MAML3: variants seen among roughly 807,000 people sequenced by gnomAD.
MAML3 encodes mastermind-like protein 3.
In MAML3, 27 loss-of-function variants were observed where a neutral mutation model predicts 101.9. That is an observed-to-expected ratio of 0.27 (90% CI 0.20 to 0.37). The LOEUF (loss-of-function observed/expected upper bound fraction) is 0.37. Ranked by LOEUF, MAML3 falls within the 10% of genes least tolerant of loss-of-function variation. The probability of loss-of-function intolerance (pLI) is 1.00; values close to 1 mark genes in which losing one functional copy is unlikely to be tolerated. For synonymous variants in MAML3, 501 were observed against 555.9 expected (o/e 0.90, Z 1.39); for missense variants, 1,316 against 1,444.9 (o/e 0.91, Z 1.45).
chr4:139,826,125 C>T (rs1156445858), intron 2 of MAML3, among the ~76,000 whole-genome samples: 2 of 151,870 alleles, frequency 1.3e-5, no homozygotes, highest in Non-Finnish European at 2.9e-5. Context: ...CTTTTTCCTT[C>T]GCACGTGAGA....
chr4:139,828,296 C>A (rs6824463), intron 2 of MAML3, among the ~76,000 whole-genome samples: 9,175 of 147,212 alleles, frequency 0.062, 836 homozygotes, highest in African/African-American at 0.2. Flanking sequence ...TCTTAAAAAG[C>A]ATAAAACAAA....
intron 2 of MAML3, among the ~76,000 whole-genome samples, chr4:139,771,211 A>G (rs1423809783): frequency 6.6e-6 from 1 of 152,204 alleles, no homozygotes; most frequent in Non-Finnish European, 1.5e-5. Context: ...TGTATTTTGG[A>G]GAGGGTTTTG....
intron 1 of MAML3, among the ~76,000 whole-genome samples, chr4:140,130,676 A>G (rs1220017409): frequency 6.6e-6 from 1 of 152,226 alleles, no homozygotes; most frequent in Non-Finnish European, 1.5e-5. Flanking sequence ...AGTGGCCCCA[A>G]CTAACCAGAA....
chr4:139,784,807 T>G (rs1730277803), intron 2 of MAML3, among the ~76,000 whole-genome samples: 1 of 152,186 alleles, frequency 6.6e-6, no homozygotes, highest in Admixed American at 6.5e-5. Context: ...CTCTCTTGCT[T>G]CATTTCTTTG....
Position 139,741,501 on chromosome 4 carries a change from C to T in MAML3, c.2080-10834G>A, listed in dbSNP as rs551341198. Reference sequence around the variant, plus strand: ...GCGTGGTGGCTCATGCCTGTAATCCCAGCACTTTGGGAGGCTGAGGTGGGA... The same window carrying T: ...GCGTGGTGGCTCATGCCTGTAATCCTAGCACTTTGGGAGGCTGAGGTGGGA... On this transcript the variant is annotated intron_variant, in intron 2 of 4. Coordinates refer to ENST00000509479, the MANE Select transcript of MAML3 (RefSeq NM_018717.5). Among the ~76,000 whole-genome samples the T allele has an allele frequency of 8.7e-4, 132 of 152,288 alleles. 1 individual carries two copies. Among genetic ancestry groups the T allele is most frequent in the Non-Finnish European group, 1.7e-3 (116 of 68,016 alleles).
intron 1 of MAML3, among the ~76,000 whole-genome samples, chr4:140,151,048 G>C (rs1202925838): frequency 6.6e-6 from 1 of 152,096 alleles, no homozygotes; most frequent in African/African-American, 2.4e-5. Context: ...GCGATGAAGC[G>C]GGCAGGGCCA....
Position 140,088,277 on chromosome 4 carries a change from G to A in MAML3, c.468+64583C>T, listed in dbSNP as rs185265055. ...GAAAAGTAAGGAAGAAAGGAAGGGA[G>A]GAAGGAAAATTTACCTGGTCTAAGA... On this transcript the variant is annotated intron_variant, in intron 1 of 4. Coordinates refer to ENST00000509479, the MANE Select transcript of MAML3 (RefSeq NM_018717.5). 2.0e-4 allele frequency among the ~76,000 whole-genome samples: 30 copies of A among 151,988 alleles called. No homozygotes were observed. In the East Asian group the frequency reaches 3.7e-3, roughly 19 times the overall value.
rs746027299 is a variant in MAML3, at chr4:139,942,207, CAGGA to C, written c.469-51244_469-51241del. Among the ~76,000 whole-genome samples, 708 of 150,016 alleles carry C rather than the reference CAGGA, an allele frequency of 4.7e-3. 9 individuals are homozygous for C. Among genetic ancestry groups the C allele is most frequent in the African/African-American group, 0.016 (637 of 40,176 alleles). ...GCAGGCAGGCAGGCAGGCAGGCAGG[CAGGA>C]AGGAAGACATCCTTTAATACCAGAA... On this transcript the variant is annotated intron_variant, in intron 1 of 4. Coordinates refer to ENST00000509479, the MANE Select transcript of MAML3 (RefSeq NM_018717.5).
intron 2 of MAML3, among the ~76,000 whole-genome samples, chr4:139,809,719 T>C (rs1485799053): frequency 1.3e-5 from 2 of 152,180 alleles, no homozygotes; most frequent in Admixed American, 6.5e-5. Context: ...TTTTCATAAA[T>C]ACTCAGCTGC....
chr4:139,907,711 A>C (rs4863521), intron 1 of MAML3, among the ~76,000 whole-genome samples: 1 of 152,100 alleles, frequency 6.6e-6, no homozygotes, highest in African/African-American at 2.4e-5. Flanking sequence ...TGCATGTTTT[A>C]ATTTTCCTCC....
intron 1 of MAML3, among the ~76,000 whole-genome samples, chr4:139,991,687 A>G (rs935815273): frequency 5.3e-5 from 8 of 152,116 alleles, no homozygotes; most frequent in African/African-American, 1.9e-4. Flanking sequence ...AAATTTACAT[A>G]TAAAGTCCAC....
At chr4:139,808,659 C>T (rs569285565) in intron 2 of MAML3, among the ~76,000 whole-genome samples, 1 of 152,312 alleles carries the variant, frequency 6.6e-6, no homozygotes, top group South Asian at 2.1e-4. Context: ...CCCCTCTTAC[C>T]TTTGTGTTCT....
intron 1 of MAML3, among the ~76,000 whole-genome samples, chr4:140,086,457 A>C (rs1383494268): frequency 1.3e-5 from 2 of 152,198 alleles, no homozygotes; most frequent in Non-Finnish European, 2.9e-5. Flanking sequence ...CTTTATTCCA[A>C]CGATCTTCTC....
intron 2 of MAML3, among the ~76,000 whole-genome samples, chr4:139,775,769 G>A (rs1395794337): frequency 1.3e-5 from 2 of 152,132 alleles, no homozygotes; most frequent in Admixed American, 6.5e-5. Flanking sequence ...TGCTGACAGG[G>A]TGAAAAGCAC....
At chr4:139,961,043 A>G (rs1366560237) in intron 1 of MAML3, among the ~76,000 whole-genome samples, 1 of 152,170 alleles carries the variant, frequency 6.6e-6, no homozygotes, top group Non-Finnish European at 1.5e-5. Context: ...CACTGGTTCC[A>G]GTCTGGCAAA....
intron 1 of MAML3, among the ~76,000 whole-genome samples, chr4:139,930,209 G>T (rs1000973521): frequency 6.6e-6 from 1 of 152,218 alleles, no homozygotes; most frequent in Non-Finnish European, 1.5e-5. Context: ...CCACGTGGAA[G>T]ATGGAGGCCA....
intron 1 of MAML3, among the ~76,000 whole-genome samples, chr4:140,069,384 A>AAGGAGGAGGAGG (rs756106379): frequency 1.7e-5 from 1 of 60,454 alleles, no homozygotes; most frequent in African/African-American, 6.1e-5. Flanking sequence ...GAAGAAGAAG[A>AAGGAGGAGGAGG]AGGAGGAGGA....
intron 1 of MAML3, among the ~76,000 whole-genome samples, chr4:139,989,308 T>C (rs1221074525): frequency 1.3e-5 from 2 of 152,142 alleles, no homozygotes; most frequent in African/African-American, 4.8e-5. Context: ...ACTGTAAGAA[T>C]TAATGAAATA....
Position 139,728,994 on chromosome 4 carries a change from C to T in MAML3, c.2331+1422G>A, listed in dbSNP as rs185754843. On this transcript the variant is annotated intron_variant, in intron 3 of 4. Coordinates refer to ENST00000509479, the MANE Select transcript of MAML3 (RefSeq NM_018717.5). Reference sequence around the variant, plus strand: ...AGGATTTACAGAGCCCAGCTGCCCTCGGCAGCTCCATTTGTCACTGCCTGA... The same window carrying T: ...AGGATTTACAGAGCCCAGCTGCCCTTGGCAGCTCCATTTGTCACTGCCTGA... Among the ~76,000 whole-genome samples the T allele has an allele frequency of 2.3e-3, 349 of 152,188 alleles. 2 individuals are homozygous for T. Among genetic ancestry groups the T allele is most frequent in the African/African-American group, 7.9e-3 (330 of 41,526 alleles).
Sources: gnomAD v4.1 joint callset for allele counts (sites outside exome capture counted in the v4.1 genomes callset) on GRCh38, gnomAD v4.1.1 for gene constraint, MANE v1.5 for transcripts, NCBI Gene and HGNC (gene_info 2026-07-23, HGNC 2026-07-21) for gene names.